CMSS1: variants seen among roughly 807,000 people sequenced by gnomAD.
CMSS1 encodes the protein cms1 ribosomal small subunit homolog.
A neutral mutation model predicts 43.5 loss-of-function variants in CMSS1; 33 were observed. The observed-to-expected ratio is 0.76, with a 90% confidence interval of 0.57 to 1.01. The LOEUF is 1.01. Among genes scored for constraint, CMSS1 ranks in the 50% least tolerant of loss-of-function variants. The probability of loss-of-function intolerance (pLI) is 0.00; values close to 1 mark genes in which losing one functional copy is unlikely to be tolerated. For missense variants in CMSS1, 313 were observed against 326.4 expected, an observed-to-expected ratio of 0.96 and a Z score of 0.32; for synonymous variants, 115 against 117.2, an observed-to-expected ratio of 0.98 and a Z score of 0.12.
At chr3:99,942,149 C>T (rs1707869389) in intron 1 of CMSS1, among the ~76,000 whole-genome samples, 1 of 151,624 alleles carries the variant, frequency 6.6e-6, no homozygotes, top group Non-Finnish European at 1.5e-5. Context: ...TTGTAGTGAG[C>T]CGAGATCGTG....
intron 1 of CMSS1, among the ~76,000 whole-genome samples, chr3:99,966,706 A>T (rs1320346319): frequency 6.6e-6 from 1 of 152,232 alleles, no homozygotes; most frequent in African/African-American, 2.4e-5. Flanking sequence ...TGAAAATAGA[A>T]TCATTCTAAT....
chr3:99,944,961 G>C (rs541913767), intron 1 of CMSS1, among the ~76,000 whole-genome samples: 1 of 152,310 alleles, frequency 6.6e-6, no homozygotes, highest in South Asian at 2.1e-4. Flanking sequence ...CTTCACTACT[G>C]TTCATTATTC....
chr3:99,821,582 G>A (rs1559645343), intron 1 of CMSS1, among the ~76,000 whole-genome samples: 2 of 152,206 alleles, frequency 1.3e-5, no homozygotes, highest in African/African-American at 4.8e-5. Context: ...CTTATAGTAA[G>A]TAATACATTC....
At chr3:99,881,086 G>T (rs1705710851) in intron 1 of CMSS1, among the ~76,000 whole-genome samples, 1 of 152,130 alleles carries the variant, frequency 6.6e-6, no homozygotes, top group South Asian at 2.1e-4. Context: ...AAGCAAGGAA[G>T]TCTATTTAAT....
intron 1 of CMSS1, among the ~76,000 whole-genome samples, chr3:99,984,613 A>G (rs1366605301): frequency 6.6e-6 from 1 of 152,160 alleles, no homozygotes; most frequent in Non-Finnish European, 1.5e-5. Flanking sequence ...TTCCCCCTTC[A>G]AGTGCTTTTT....
rs116014547 is a variant in CMSS1 at position 99,953,685 on chromosome 3, C to T, written c.64+135642C>T. Among the ~76,000 whole-genome samples, 686 of 152,284 alleles carry T rather than the reference C, an allele frequency of 4.5e-3. 7 individuals are homozygous for T. The highest frequency in any genetic ancestry group is 0.016 in the African/African-American group (672 of 41,556). ...ATAAATATATTTGAAACACTGATTA[C>T]TTGTCATTTCTACTGGAATGTGCTT... is the stretch of plus-strand genomic sequence containing the variant. On this transcript the variant is annotated intron_variant, in intron 1 of 9. Coordinates refer to ENST00000421999, the MANE Select transcript of CMSS1 (RefSeq NM_032359.4).
intron 1 of CMSS1, among the ~76,000 whole-genome samples, chr3:99,948,898 C>A (rs1158252608): frequency 6.6e-6 from 1 of 152,154 alleles, no homozygotes; most frequent in Non-Finnish European, 1.5e-5. Context: ...AGACTGGACA[C>A]CCTCATTGTA....
At chr3:99,891,471 C>T (rs1014886750) in intron 1 of CMSS1, among the ~76,000 whole-genome samples, 1 of 151,908 alleles carries the variant, frequency 6.6e-6, no homozygotes, top group African/African-American at 2.4e-5. Flanking sequence ...CAGTCTTTGG[C>T]CTTGAATATT....
intron 1 of CMSS1, among the ~76,000 whole-genome samples, chr3:100,136,013 G>A (rs938646132): frequency 2.0e-5 from 3 of 152,150 alleles, no homozygotes; most frequent in Admixed American, 6.5e-5. Flanking sequence ...TTATTGGAAT[G>A]TACATCAGGC....
At chr3:99,958,107 A>C (rs1708386237) in intron 1 of CMSS1, among the ~76,000 whole-genome samples, 1 of 149,508 alleles carries the variant, frequency 6.7e-6, no homozygotes, top group Non-Finnish European at 1.5e-5. Context: ...TCCAGGATAC[A>C]TGTGCAGGAT....
At chr3:100,132,478 A>T (rs1299282762) in intron 1 of CMSS1, among the ~76,000 whole-genome samples, 2 of 152,180 alleles carry the variant, frequency 1.3e-5, no homozygotes, top group African/African-American at 4.8e-5. Flanking sequence ...TAAGCAAAAC[A>T]TTAAAACTTT....
intron 1 of CMSS1, among the ~76,000 whole-genome samples, chr3:99,942,686 G>A (rs148885324): frequency 2.6e-5 from 4 of 152,128 alleles, no homozygotes; most frequent in Non-Finnish European, 2.9e-5. Flanking sequence ...ATAACTAGCC[G>A]GGCATGGTGG....
chr3:100,019,834 C>T (rs1346946617), intron 1 of CMSS1, among the ~76,000 whole-genome samples: 1 of 152,076 alleles, frequency 6.6e-6, no homozygotes, highest in Non-Finnish European at 1.5e-5. Context: ...GACTTATTTT[C>T]ATTTTTTTAA....
At chr3:100,171,696 T>C (rs2067111234) in intron 6 of CMSS1, 143 bp from the exon 7 acceptor site, 1 of 650,564 alleles carries the variant, frequency 1.5e-6, no homozygotes, top group African/African-American at 1.8e-5. Context: ...AACCTGCAAA[T>C]CTCAGAATTT....
At chr3:99,860,412 C>T (rs150515856) in intron 1 of CMSS1, among the ~76,000 whole-genome samples, 1 of 152,080 alleles carries the variant, frequency 6.6e-6, no homozygotes, top group Non-Finnish European at 1.5e-5. Context: ...TTCTAAAAAG[C>T]GGTACTGAAA....
intron 1 of CMSS1, among the ~76,000 whole-genome samples, chr3:100,073,083 C>T (rs903118215): frequency 6.6e-6 from 1 of 151,988 alleles, no homozygotes; most frequent in African/African-American, 2.4e-5. Context: ...AAATGGAAAC[C>T]ATCATGTTTC....
chr3:100,153,476 G>C lies in CMSS1; in HGVS notation c.153+6415G>C, dbSNP rs1333404866. 2.6e-5 allele frequency among the ~76,000 whole-genome samples: 4 copies of C among 152,336 alleles called. No homozygotes were observed. The South Asian group carries it at 6.2e-4, about 24-fold the overall frequency. Reference sequence around the variant, plus strand: ...GAAACAACAGTTCTAAAAGCTAGAAGTCTGCGATCAAGATGTCTACAGGTG... The same window carrying C: ...GAAACAACAGTTCTAAAAGCTAGAACTCTGCGATCAAGATGTCTACAGGTG... On this transcript the variant is annotated intron_variant, in intron 2 of 9. Transcript: ENST00000421999.
At chr3:100,051,821 AAAAAC>A (rs2065378986) in intron 1 of CMSS1, among the ~76,000 whole-genome samples, 1 of 150,124 alleles carries the variant, frequency 6.7e-6, no homozygotes, top group South Asian at 2.1e-4. Context: ...TTATATTTCT[AAAAAC>A]AAACATTTTA....
chr3:99,916,861 A>C (rs542341334), intron 1 of CMSS1, among the ~76,000 whole-genome samples: 5 of 152,208 alleles, frequency 3.3e-5, no homozygotes, highest in Non-Finnish European at 7.3e-5. Flanking sequence ...GGCTGGCCAA[A>C]GCTGTTTGGC....
Sources: allele counts gnomAD v4.1 joint callset (sites outside exome capture counted in the v4.1 genomes callset), GRCh38; gene constraint gnomAD v4.1.1; transcripts MANE v1.5; gene names NCBI Gene and HGNC (gene_info 2026-07-23, HGNC 2026-07-21).